The following INTS7 variants were observed in gnomAD, a reference collection of about 807,000 sequenced individuals.
INTS7 encodes integrator complex subunit 7.
INTS7 carries 46 observed loss-of-function variants against 109.2 expected under a neutral mutation model. That is an observed-to-expected ratio of 0.42 (90% confidence interval 0.33 to 0.54). INTS7 has a LOEUF of 0.54. INTS7 is among the 20% of genes least tolerant of loss of function. The pLI is 0.07. For missense variants in INTS7, 929 were observed against 1,132.4 expected, an observed-to-expected ratio of 0.82 and a Z score of 2.58; for synonymous variants, 412 against 402.9, an observed-to-expected ratio of 1.02 and a Z score of -0.27.
In INTS7 at chr1:211,940,604, GAA is replaced by G. The variant is rs1259470098; in HGVS notation, c.*1218_*1219del. On this transcript the variant is annotated 3_prime_UTR_variant, in exon 20 of 20. Transcript: ENST00000366994. Reference sequence around the variant, plus strand: ...AGTTATATCTACCATACTGTGCTAAGAAAGTCTATTTTATCATGGTTTTCAAC... The same window carrying G: ...AGTTATATCTACCATACTGTGCTAAGAGTCTATTTTATCATGGTTTTCAAC... The G allele has an allele frequency of 2.0e-5, 3 of 152,158 alleles. No individual in the cohort carries two copies. Among genetic ancestry groups the G allele is most frequent in the African/African-American group, 7.2e-5 (3 of 41,436 alleles). The allele number at this position is 152,158 out of a possible 1,614,324, so 9.4% of individuals were successfully genotyped here. A position where few individuals can be genotyped will look rare whatever the true frequency, so the allele number is the denominator to read the frequency against.
chr1:212,000,440 A>G (rs542814165), intron 7 of INTS7, among the ~76,000 whole-genome samples: 3 of 152,248 alleles, frequency 2.0e-5, no homozygotes, highest in Non-Finnish European at 4.4e-5. Flanking sequence ...TAACCACTCC[A>G]GAGTATAGAA....
At chr1:211,962,529 T>G (rs1303179560) in intron 16 of INTS7, among the ~76,000 whole-genome samples, 7 of 152,168 alleles carry the variant, frequency 4.6e-5, no homozygotes, top group African/African-American at 1.7e-4. Context: ...CAAATGGACC[T>G]GATAGACATC....
At position 211,952,782 on chromosome 1, in the gene INTS7, T is replaced by C. The variant is rs575941683; in HGVS notation, c.2184-81A>G. 6.2e-5 allele frequency: 73 copies of C among 1,183,522 alleles called. 1 individual carries two copies. In the African/African-American group the frequency reaches 8.5e-4, roughly 14 times the overall value. 73.3% of individuals were successfully genotyped at this position (1,183,522 alleles called of 1,614,324 possible). ...CTACATGTATCAGGTACTTTCAACA[T>C]ATTTTCATTTAATTTTTAAAATAAT... is the stretch of plus-strand genomic sequence containing the variant. On this transcript the variant is annotated intron_variant, in intron 16 of 19. Transcript: ENST00000366994.
intron 1 of INTS7, among the ~76,000 whole-genome samples, chr1:212,029,502 C>T (rs1008058078): frequency 2.0e-5 from 3 of 152,218 alleles, no homozygotes; most frequent in African/African-American, 7.2e-5. Flanking sequence ...GTGTGTCTGA[C>T]TGGCAGAGCC....
intron 4 of INTS7, among the ~76,000 whole-genome samples, chr1:212,014,912 G>A (rs374719908): frequency 3.9e-5 from 6 of 152,190 alleles, no homozygotes; most frequent in South Asian, 2.1e-4. Flanking sequence ...CCTCCCAGCC[G>A]CCTGCCTTGG....
chr1:211,972,723 C>A (rs759067214), intron 13 of INTS7, among the ~76,000 whole-genome samples: 4 of 152,138 alleles, frequency 2.6e-5, no homozygotes, highest in Non-Finnish European at 5.9e-5. Context: ...TGAATCGGAT[C>A]TAATCAGTTG....
Position 211,978,620 on chromosome 1 carries a change from T to C in INTS7, c.1231-109A>G, listed in dbSNP as rs1321632095. 5 of 1,175,018 alleles carry C rather than the reference T, an allele frequency of 4.3e-6. 1 individual carries two copies. Among genetic ancestry groups the C allele is most frequent in the Non-Finnish European group, 6.0e-6 (5 of 833,956 alleles). 72.8% of individuals were successfully genotyped at this position (1,175,018 alleles called of 1,614,324 possible). A position where few individuals can be genotyped will look rare whatever the true frequency, so the allele number is the denominator to read the frequency against. ...GGGGAAACTCAAGGGTGAGGTTTCTTGTAGGCATAACATTTTACTTCATAA... is the reference window on the plus strand; with the variant it reads ...GGGGAAACTCAAGGGTGAGGTTTCTCGTAGGCATAACATTTTACTTCATAA... On this transcript the variant is annotated intron_variant, in intron 10 of 19. Coordinates refer to ENST00000366994, the MANE Select transcript of INTS7 (RefSeq NM_015434.4).
intron 7 of INTS7, among the ~76,000 whole-genome samples, chr1:212,003,868 A>G (rs147505017): frequency 1.9e-3 from 282 of 152,366 alleles, no homozygotes; most frequent in Non-Finnish European, 3.4e-3. Flanking sequence ...GTAAGATATC[A>G]AAAATAATCA....
chr1:211,968,368 ATTT>A, intron 14 of INTS7, 142 bp downstream of exon 14: 1 of 659,388 alleles, frequency 1.5e-6, no homozygotes, highest in African/African-American at 1.8e-5. Context: ...ACATCAGCCT[ATTT>A]TTTAGCCAGA....
At chr1:211,957,626 AAT>A (rs1315832094) in intron 16 of INTS7, among the ~76,000 whole-genome samples, 5 of 152,178 alleles carry the variant, frequency 3.3e-5, no homozygotes, top group Non-Finnish European at 7.3e-5. Flanking sequence ...CTTTTGATAG[AAT>A]ATGTTTTAAG....
chr1:211,954,416 G>C (rs377227007), intron 16 of INTS7, among the ~76,000 whole-genome samples: 3,914 of 152,170 alleles, frequency 0.026, 55 homozygotes, highest in African/African-American at 0.045. Context: ...CCCCATTTGT[G>C]AATTTTGGCT....
intron 4 of INTS7, among the ~76,000 whole-genome samples, chr1:212,016,466 G>C (rs746938591): frequency 6.6e-6 from 1 of 152,124 alleles, no homozygotes; most frequent in Non-Finnish European, 1.5e-5. Context: ...GGTTAAAATT[G>C]GTTTTAATTC....
At chr1:212,001,767 T>C (rs1665681223) in intron 7 of INTS7, among the ~76,000 whole-genome samples, 1 of 152,238 alleles carries the variant, frequency 6.6e-6, no homozygotes, top group Admixed American at 6.5e-5. Context: ...GTAGCTCTCA[T>C]GGTAGATCAA....
chr1:212,003,678 A>G (rs1665781781), intron 7 of INTS7, among the ~76,000 whole-genome samples: 1 of 152,146 alleles, frequency 6.6e-6, no homozygotes, highest in Admixed American at 6.5e-5. Context: ...ATACAAGACA[A>G]TAATACATAA....
rs1335501146 is a variant in INTS7 at position 212,032,196 on chromosome 1, TCAGC to T, written c.94+3144_94+3147del. ...CTACTTTGAAAGTATATCCAGAATC[TCAGC>T]ACTTCACACATTTTCAGTGTCACCA... On this transcript the variant is annotated intron_variant, in intron 1 of 19. Coordinates refer to ENST00000366994, the MANE Select transcript of INTS7 (RefSeq NM_015434.4). Among the ~76,000 whole-genome samples, 1,220 of 152,346 alleles carry T rather than the reference TCAGC, an allele frequency of 8.0e-3. 19 individuals are homozygous for T. Among genetic ancestry groups the T allele is most frequent in the African/African-American group, 0.026 (1,084 of 41,578 alleles).
intron 7 of INTS7, among the ~76,000 whole-genome samples, chr1:211,996,794 GCAGGCAGACTGCTTGAGCC>G (rs1236450919): frequency 1.1e-4 from 16 of 152,236 alleles, no homozygotes; most frequent in African/African-American, 3.9e-4. Flanking sequence ...GGAGGTCCAG[GCAGGCAGACTGCTTGAGCC>G]CAGGAGTTTG....
chr1:212,013,034 A>G (rs1468465804), intron 4 of INTS7, among the ~76,000 whole-genome samples: 1 of 152,222 alleles, frequency 6.6e-6, no homozygotes, highest in African/African-American at 2.4e-5. Flanking sequence ...CTCCTAATCA[A>G]TAAAAGTACA....
rs12062813 is a variant in INTS7 at position 212,001,228 on chromosome 1, C to T, written c.879+5411G>A. ...GATTACAGGCATGCGCCATCACGCC[C>T]GGCTAATTTTGTATTTTTAGTGGAG... On this transcript the variant is annotated intron_variant, in intron 7 of 19. Transcript: ENST00000366994. Among the ~76,000 whole-genome samples the T allele has an allele frequency of 8.0e-3, 1,213 of 152,122 alleles. 17 individuals are homozygous for T. Among genetic ancestry groups the T allele is most frequent in the African/African-American group, 0.027 (1,137 of 41,490 alleles).
chr1:211,986,016 C>T (rs772867485), intron 8 of INTS7, among the ~76,000 whole-genome samples: 17 of 152,162 alleles, frequency 1.1e-4, no homozygotes, highest in Admixed American at 9.8e-4. Flanking sequence ...TGCTCCTTTA[C>T]CATGTGATCT....
Sources: gnomAD v4.1 joint callset for allele counts (sites outside exome capture counted in the v4.1 genomes callset) on GRCh38, gnomAD v4.1.1 for gene constraint, MANE v1.5 for transcripts, NCBI Gene and HGNC (gene_info 2026-07-23, HGNC 2026-07-21) for gene names.